ALDH7A1: variants seen among roughly 807,000 people sequenced by gnomAD.
ALDH7A1 encodes the protein aldehyde dehydrogenase 7 family member A1.
Under a neutral mutation model 79.9 loss-of-function variants are expected in ALDH7A1, and 63 were observed. The observed-to-expected ratio is 0.79, with a 90% CI of 0.64 to 0.97. The LOEUF is 0.97. ALDH7A1 is among the 50% of genes least tolerant of loss of function. The pLI, the probability that ALDH7A1 is intolerant of heterozygous loss-of-function variation, is 0.00. For synonymous variants in ALDH7A1, 240 were observed against 231.2 expected (o/e 1.04, Z -0.34); for missense variants, 627 against 665.2 (o/e 0.94, Z 0.63).
chr5:126,565,285 T>C (rs1368657492), intron 9 of ALDH7A1, among the ~76,000 whole-genome samples: 1 of 149,178 alleles, frequency 6.7e-6, no homozygotes, highest in African/African-American at 2.5e-5. Context: ...CCCAGCTACT[T>C]GGGAGGCTGA....
At chr5:126,562,673 C>A (rs181311180) in intron 9 of ALDH7A1, among the ~76,000 whole-genome samples, 2 of 152,184 alleles carry the variant, frequency 1.3e-5, no homozygotes, top group Non-Finnish European at 2.9e-5. Flanking sequence ...CATGGTGAAA[C>A]CCTGTCTCTA....
intron 3 of ALDH7A1, 49 bp downstream of exon 3, chr5:126,592,615 A>G (rs1350627428): frequency 3.8e-6 from 6 of 1,578,678 alleles, no homozygotes; most frequent in Admixed American, 1.7e-5. Flanking sequence ...ATTGGTTACA[A>G]TAGGCAAAGT....
Position 126,583,949 on chromosome 5 carries a change from G to A in ALDH7A1, c.376C>T (p.Gln126Ter), listed in dbSNP as rs2112804365. Residue 126 changes from glutamine (Q) to a stop codon, truncating the protein, a stop_gained, in exon 4 of 18, where the codon CAA (glutamine) becomes TAA (stop). Transcript: ENST00000409134. LOFTEE classifies it high-confidence loss of function. Reference sequence around the variant, plus strand: ...TACTTTACCAAGCTTCCTAGTACTTGGATCTTCTCCCGCAAGGCATCGCCA... The same window carrying A: ...TACTTTACCAAGCTTCCTAGTACTTAGATCTTCTCCCGCAAGGCATCGCCA... Reference protein sequence around the residue: ...QIGDALREKIQVLGSLVSLEM... With the variant: ...QIGDALREKI 1 of 1,613,834 alleles carries A rather than the reference G, an allele frequency of 6.2e-7. No homozygotes were observed. Among genetic ancestry groups the A allele is most frequent in the Non-Finnish European group, 8.5e-7 (1 of 1,179,796 alleles).
chr5:126,583,996 C>T lies in ALDH7A1; in HGVS notation c.329G>A (p.Arg110Gln), dbSNP rs1160207513. 7.4e-6 allele frequency: 12 copies of T among 1,613,958 alleles called. No individual in the cohort carries two copies. The highest frequency in any genetic ancestry group is 1.7e-5 in the Admixed American group (1 of 59,986). ...KIWADIPAPK[R>Q]GEIVRQIGDA... ...GCCAATCTGTCTTACTATTTCTCCT[C>T]GTTTTGGAGCAGGAATCTAAGAAAA... The change falls in exon 4 of 18, where the codon CGA becomes CAA. Residue 110 changes from arginine (R) to glutamine (Q), a missense_variant. Coordinates refer to ENST00000409134, the MANE Select transcript of ALDH7A1 (RefSeq NM_001182.5).
intron 12 of ALDH7A1, chr5:126,555,024 G>A: frequency 6.3e-6 from 1 of 158,812 alleles, no homozygotes; most frequent in South Asian, 1.8e-4. Flanking sequence ...AGCCTGGCAT[G>A]CCTGGAACAC....
In ALDH7A1 at chr5:126,543,692, C is replaced by A. The variant is rs1053153510; in HGVS notation, c.*1273G>T. 6.6e-6 allele frequency: 1 copy of A among 152,160 alleles called. No individual in the cohort carries two copies. The allele number at this position is 152,160 out of a possible 1,614,324, so 9.4% of individuals were successfully genotyped here. On this transcript the variant is annotated 3_prime_UTR_variant, in exon 18 of 18. Transcript: ENST00000409134. ...AGGCCTCTGCTCCATTCTAACCTGG[C>A]AGGAGTAGAGGGGTGCCATGCAGAA... is the stretch of plus-strand genomic sequence containing the variant.
At chr5:126,593,444 A>G (rs778966998) in intron 1 of ALDH7A1, 40 bp from the exon 2 acceptor site, 1 of 1,613,448 alleles carries the variant, frequency 6.2e-7, no homozygotes, top group Non-Finnish European at 8.5e-7. Context: ...AGAAAACGTA[A>G]TCCCTTTTGA....
chr5:126,595,089 G>A lies in ALDH7A1; in HGVS notation c.110C>T (p.Pro37Leu), dbSNP rs1294281982. The stretch of plus-strand genomic sequence containing the variant: ...CAGCTCTTTCAGCCACGCATACTGG[G>A]GCTGATTGATGAGGAGAGTGGACAT... ...AFMSTLLINQ[P>L]QYAWLKELGL... The change falls in exon 1 of 18, where the codon CCC becomes CTC. Residue 37 changes from proline to leucine, a missense_variant. Physicochemically the swap from Pro to Leu is moderately conservative, Grantham distance 98 (BLOSUM62 -3). Coordinates refer to ENST00000409134, the MANE Select transcript of ALDH7A1 (RefSeq NM_001182.5). 1 of 1,603,332 alleles carries A rather than the reference G, an allele frequency of 6.2e-7. No homozygotes were observed. Among genetic ancestry groups the A allele is most frequent in the Admixed American group, 1.7e-5 (1 of 58,952 alleles).
At chr5:126,563,307 C>T (rs904239058) in intron 9 of ALDH7A1, among the ~76,000 whole-genome samples, 23 of 152,154 alleles carry the variant, frequency 1.5e-4, no homozygotes, top group African/African-American at 5.3e-4. Flanking sequence ...TTACACCTTT[C>T]CCCTAAGTTA....
intron 8 of ALDH7A1, 96 bp downstream of exon 8, chr5:126,570,686 C>G (rs1260384585): frequency 6.7e-6 from 8 of 1,197,932 alleles, no homozygotes; most frequent in Non-Finnish European, 8.7e-6. Context: ...TTCTCAACTC[C>G]TTAGTTATAA....
intron 3 of ALDH7A1, 86 bp from the exon 4 acceptor site, chr5:126,584,098 C>G (rs966267528): frequency 2.6e-6 from 3 of 1,136,170 alleles, no homozygotes; most frequent in Non-Finnish European, 4.0e-6. Flanking sequence ...TGTAAAAGAA[C>G]AAATTACAAT....
intron 16 of ALDH7A1, among the ~76,000 whole-genome samples, chr5:126,549,075 A>T (rs1316262369): frequency 2.2e-4 from 3 of 13,708 alleles, no homozygotes; most frequent in African/African-American, 1.2e-3. Flanking sequence ...CCCCAGCTCA[A>T]AAAAAAAAAA....
intron 7 of ALDH7A1, among the ~76,000 whole-genome samples, chr5:126,571,386 G>A (rs1211975817): frequency 6.6e-5 from 10 of 150,898 alleles, no homozygotes; most frequent in Admixed American, 4.6e-4. Context: ...GCTGAGGCAG[G>A]AGAATCGCTT....
intron 7 of ALDH7A1, among the ~76,000 whole-genome samples, chr5:126,573,799 A>G (rs2112789691): frequency 6.6e-6 from 1 of 151,544 alleles, no homozygotes; most frequent in Admixed American, 6.6e-5. Flanking sequence ...CCTGGGAGGC[A>G]GAGGTTGGAG....
At chr5:126,569,748 C>T (rs1750714158) in intron 8 of ALDH7A1, 1 of 152,182 alleles carries the variant, frequency 6.6e-6, no homozygotes, top group African/African-American at 2.4e-5. Flanking sequence ...CTGCATTATA[C>T]ATGTGGGAGT....
intron 3 of ALDH7A1, among the ~76,000 whole-genome samples, chr5:126,584,897 T>C (rs1751308754): frequency 6.6e-6 from 1 of 152,184 alleles, no homozygotes; most frequent in South Asian, 2.1e-4. Flanking sequence ...GCACAGCTTA[T>C]GTCACATAAA....
At chr5:126,568,221 G>T in intron 9 of ALDH7A1, 38 bp downstream of exon 9, 2 of 1,586,530 alleles carry the variant, frequency 1.3e-6, no homozygotes, top group South Asian at 1.1e-5. Flanking sequence ...CTCCATATTT[G>T]AGAGAATTAA....
At chr5:126,557,829 A>AT (rs1750252341) in intron 11 of ALDH7A1, among the ~76,000 whole-genome samples, 10 of 151,770 alleles carry the variant, frequency 6.6e-5, no homozygotes, top group African/African-American at 2.4e-5. Context: ...GCTTAAAAAT[A>AT]ATTTTTTTTA....
At position 126,572,364 on chromosome 5, in the gene ALDH7A1, G is replaced by A. The variant is rs183323995; in HGVS notation, c.696-1505C>T. Among the ~76,000 whole-genome samples, 101 of 152,276 alleles carry A rather than the reference G, an allele frequency of 6.6e-4. 2 individuals carry two copies. In the Middle Eastern group the frequency reaches 0.01, roughly 15 times the overall value. On this transcript the variant is annotated intron_variant, in intron 7 of 17. Coordinates refer to ENST00000409134, the MANE Select transcript of ALDH7A1 (RefSeq NM_001182.5). The stretch of plus-strand genomic sequence containing the variant: ...ATGTACAATTCTTCCCAGGGACTCC[G>A]GGTGTCTATATTGTCTGCACAAGTA...
Sources: gnomAD v4.1 joint callset for allele counts (sites outside exome capture counted in the v4.1 genomes callset) on GRCh38, gnomAD v4.1.1 for gene constraint, MANE v1.5 for transcripts, NCBI Gene and HGNC (gene_info 2026-07-23, HGNC 2026-07-21) for gene names.